Variants in TRMT2B observed in about 807,000 individuals in gnomAD.
The protein encoded by TRMT2B is tRNA (uracil-5-)-methyltransferase homolog B.
In TRMT2B, 34 loss-of-function variants were observed where a neutral mutation model predicts 39.7. The observed-to-expected ratio is 0.86, with a 90% CI of 0.65 to 1.14. The LOEUF (loss-of-function observed/expected upper bound fraction) is 1.14, where lower values mean the gene tolerates loss of function less well. Among genes scored for constraint, TRMT2B ranks in the 50% most tolerant of loss-of-function variants. The probability of loss-of-function intolerance (pLI) is 0.00; values close to 1 mark genes in which losing one functional copy is unlikely to be tolerated. For missense variants in TRMT2B, 318 were observed against 377.2 expected, an observed-to-expected ratio of 0.84 and a Z score of 1.30; for synonymous variants, 132 against 137.3, an observed-to-expected ratio of 0.96 and a Z score of 0.27.
chrX:101,042,210 C>G lies in TRMT2B; in HGVS notation c.80G>C (p.Gly27Ala). ...ISMVGLFSKPGLLPWYARNPP... is the reference protein window; with the variant it reads ...ISMVGLFSKPALLPWYARNPP... ...ATTTCTGGCATACCAGGGAAGCAGT[C>G]CTGGTTTGGAGAAGAGACCCACCAT... is the stretch of plus-strand genomic sequence containing the variant. Residue 27 changes from glycine (G) to alanine (A), a missense_variant, in exon 3 of 14, where the codon GGA becomes GCA. Coordinates refer to ENST00000372936, the MANE Select transcript of TRMT2B (RefSeq NM_024917.6). The G allele has an allele frequency of 5.0e-6, 6 of 1,211,988 alleles. No individual in the cohort carries two copies. The highest frequency in any genetic ancestry group is 6.7e-6 in the Non-Finnish European group (6 of 895,577).
At chrX:101,002,433 T>C in the TRMT2B span, among the ~76,000 whole-genome samples, 1 of 112,236 alleles carries the variant, frequency 8.9e-6, no homozygotes, top group African/African-American at 3.2e-5. Flanking sequence ...CTGGCTTTTT[T>C]GGAGGAACTC....
chrX:101,016,642 G>GTTTTTTTTTTT (rs397827366), intron 13 of TRMT2B, among the ~76,000 whole-genome samples: 1 of 57,618 alleles, frequency 1.7e-5, no homozygotes, highest in Non-Finnish European at 3.2e-5. Flanking sequence ...AATTTTCGTG[G>GTTTTTTTTTTT]TTTTTTTTTT....
chrX:101,038,179 C>G, intron 4 of TRMT2B, 128 bp from the exon 5 acceptor site: 2 of 526,793 alleles, frequency 3.8e-6, no homozygotes, highest in Non-Finnish European at 6.2e-6. Context: ...ACCAGCCTGA[C>G]CAACATGAAG....
rs1331449885 is a variant in TRMT2B at position 101,036,994 on chromosome X, A to G, written c.518T>C (p.Phe173Ser). The change falls in exon 6 of 14, where the codon TTC (phenylalanine) becomes TCC (serine). Residue 173 changes from phenylalanine to serine, a missense_variant. By Grantham distance (155) the Phe-to-Ser change is radical. Coordinates refer to ENST00000372936, the MANE Select transcript of TRMT2B (RefSeq NM_024917.6). ...GPDGNPKTVGFYLGTWRDGNV... is the reference protein window; with the variant it reads ...GPDGNPKTVGSYLGTWRDGNV... ...CTGACCTCTCCAAGTTCCCAGGTAGAACCCCACAGTCTTTGGATTGCCATC... is the reference window on the plus strand; with the variant it reads ...CTGACCTCTCCAAGTTCCCAGGTAGGACCCCACAGTCTTTGGATTGCCATC... The G allele has an allele frequency of 2.5e-6, 3 of 1,210,815 alleles. No individual in the cohort carries two copies. The highest frequency in any genetic ancestry group is 3.4e-6 in the Non-Finnish European group (3 of 894,539).
downstream of TRMT2B, among the ~76,000 whole-genome samples, chrX:101,004,791 G>C (rs747499750): frequency 9.0e-6 from 1 of 111,505 alleles, no homozygotes; most frequent in Non-Finnish European, 1.9e-5. Context: ...GTGGGCAACC[G>C]TGCCCGGCCA....
intron 7 of TRMT2B, among the ~76,000 whole-genome samples, chrX:101,034,197 A>G (rs1294680226): frequency 1.0e-5 from 1 of 96,322 alleles, no homozygotes; most frequent in Non-Finnish European, 2.0e-5. Flanking sequence ...GATGGAGTGC[A>G]ATGGTGCGAT....
chrX:101,039,349 G>GCCTCA (rs756991012), intron 4 of TRMT2B, among the ~76,000 whole-genome samples: 1 of 112,184 alleles, frequency 8.9e-6, no homozygotes, highest in East Asian at 2.8e-4. Context: ...GGGATTACAG[G>GCCTCA]CGTGAGCCAC....
the TRMT2B span, among the ~76,000 whole-genome samples, chrX:100,998,224 C>T: frequency 6.1e-5 from 6 of 97,814 alleles, no homozygotes; most frequent in Admixed American, 7.0e-4. Flanking sequence ...CATGCCACTG[C>T]ACTCCAGCCT....
chrX:101,019,235 A>G, intron 12 of TRMT2B, 49 bp downstream of exon 12: 2 of 1,207,201 alleles, frequency 1.7e-6, no homozygotes, highest in Non-Finnish European at 2.2e-6. Flanking sequence ...AAGAAGAACC[A>G]AAGTTGATGG....
the TRMT2B span, among the ~76,000 whole-genome samples, chrX:100,988,851 C>CATATATATATAT: frequency 9.0e-4 from 72 of 79,664 alleles, 1 homozygote; most frequent in African/African-American, 2.2e-3. Context: ...TAATATATCT[C>CATATATATATAT]ATATATATAT....
intron 2 of TRMT2B, among the ~76,000 whole-genome samples, chrX:101,047,532 TA>T (rs2088761109): frequency 9.0e-6 from 1 of 111,368 alleles, no homozygotes; most frequent in Non-Finnish European, 1.9e-5. Flanking sequence ...TTGTTTGTTT[TA>T]AAAATGAGAT....
rs191573357 is a variant in TRMT2B at position 101,025,010 on chromosome X, A to T, written c.610-1394T>A. ...CTCGGAAAAAAAAAAAAGAATCATG[A>T]TCCCTGCCCTGTAACTTTACAGAGG... is the stretch of plus-strand genomic sequence containing the variant. On this transcript the variant is annotated intron_variant, in intron 7 of 13. Transcript: ENST00000372936. Among the ~76,000 whole-genome samples, 6 of 110,036 alleles carry T rather than the reference A, an allele frequency of 5.5e-5. No individual in the cohort carries two copies. In the East Asian group the frequency reaches 1.7e-3, roughly 32 times the overall value.
the TRMT2B span, among the ~76,000 whole-genome samples, chrX:100,985,478 A>G: frequency 9.7e-3 from 1,079 of 111,581 alleles, 12 homozygotes; most frequent in African/African-American, 0.033. Context: ...GGCTCTAGTC[A>G]GGGTTCAACA....
the TRMT2B span, among the ~76,000 whole-genome samples, chrX:100,984,160 C>G: frequency 9.4e-6 from 1 of 106,618 alleles, no homozygotes; most frequent in Non-Finnish European, 1.9e-5. Context: ...GTCCCCCATG[C>G]TGGAGTGCAG....
At chrX:100,993,373 C>T in the TRMT2B span, among the ~76,000 whole-genome samples, 3 of 112,166 alleles carry the variant, frequency 2.7e-5, no homozygotes, top group African/African-American at 6.5e-5. Flanking sequence ...ATTCTGCTGA[C>T]AATCATTCTC....
chrX:101,004,496 C>CGTTTTT (rs1262839518), downstream of TRMT2B, among the ~76,000 whole-genome samples: 22 of 103,234 alleles, frequency 2.1e-4, no homozygotes, highest in African/African-American at 5.9e-4. Context: ...TGTTTTGTTT[C>CGTTTTT]GTTTTTGTTT....
downstream of TRMT2B, among the ~76,000 whole-genome samples, chrX:101,004,752 C>T (rs778317742): frequency 1.0e-3 from 114 of 111,129 alleles, 1 homozygote; most frequent in African/African-American, 3.3e-3. Context: ...CTGCCCGCCT[C>T]GGCCTCCTAA....
At chrX:100,992,797 A>G in the TRMT2B span, among the ~76,000 whole-genome samples, 1 of 111,361 alleles carries the variant, frequency 9.0e-6, no homozygotes. Context: ...AATGATGTTC[A>G]GAGAGGTTAA....
intron 7 of TRMT2B, among the ~76,000 whole-genome samples, chrX:101,024,888 T>A (rs2148020388): frequency 9.2e-6 from 1 of 109,125 alleles, no homozygotes; most frequent in African/African-American, 3.3e-5. Context: ...CCCCAGCTAC[T>A]CAAGAAGGTG....
Sources: gnomAD v4.1 joint callset for allele counts (sites outside exome capture counted in the v4.1 genomes callset) on GRCh38, gnomAD v4.1.1 for gene constraint, MANE v1.5 for transcripts, NCBI Gene and HGNC (gene_info 2026-07-23, HGNC 2026-07-21) for gene names.